The following EVC variants were observed in gnomAD, a reference collection of about 807,000 sequenced individuals.
EVC encodes the protein evC complex member EVC.
In EVC, 116 loss-of-function variants were observed where a neutral mutation model predicts 118.9. The ratio of observed to expected loss-of-function variants is 0.98; its 90% confidence interval spans 0.84 to 1.14. EVC has a LOEUF of 1.14. Ranked by LOEUF, EVC falls within the 50% of genes most tolerant of loss-of-function variation. EVC has a pLI of 0.00. For missense variants in EVC, 1,401 were observed against 1,246.4 expected (o/e 1.12, Z -1.87); for synonymous variants, 619 against 534.7 (o/e 1.16, Z -2.18).
At chr4:5,825,803 G>A in the EVC span, 10 of 726,404 alleles carry the variant, frequency 1.4e-5, no homozygotes, top group South Asian at 7.3e-5. This position sits in a 1 kb window ranked among gnomAD's most constrained non-coding sequence, Gnocchi z 4.4. Flanking sequence ...ACGCACACAC[G>A]ACAGGTGCAC....
At position 5,798,640 on chromosome 4, in the gene EVC, C is replaced by A. The variant is rs778287269; in HGVS notation, c.2152C>A (p.Arg718=). The change falls in exon 15 of 21, where the codon CGG becomes AGG. Residue 718 remains arginine, a synonymous_variant. Coordinates refer to ENST00000264956, the MANE Select transcript of EVC (RefSeq NM_153717.3). The surrounding 1 kb of genome is among the most constrained non-coding windows in gnomAD (Gnocchi z 4.1). ...GCTAGAGGAGGAAGCACAGCAGACA[C>A]GGCTGCAGCTCCAGCAGCGGCTCCT... ...SRLEEEAQQT[R]LQLQQRLLAE... 1.3e-6 allele frequency: 2 copies of A among 1,591,896 alleles called. No homozygotes were observed. The highest frequency in any genetic ancestry group is 2.7e-5 in the African/African-American group (2 of 74,518).
intron 11 of EVC, among the ~76,000 whole-genome samples, chr4:5,767,961 C>G (rs983511052): frequency 3.9e-5 from 6 of 152,216 alleles, no homozygotes; most frequent in Admixed American, 3.3e-4. Flanking sequence ...TTTTCTTCCT[C>G]AGTCTGCTAA....
the EVC span, chr4:5,828,568 A>G: frequency 1.2e-6 from 2 of 1,614,132 alleles, no homozygotes; most frequent in Non-Finnish European, 1.7e-6. Context: ...GCCCTTGTTG[A>G]CGTTGATGTT....
At position 5,750,620 on chromosome 4, in the gene EVC, G is replaced by A. The variant is rs1306028662; in HGVS notation, c.1099-2216G>A. On this transcript the variant is annotated intron_variant, in intron 8 of 20. Coordinates refer to ENST00000264956, the MANE Select transcript of EVC (RefSeq NM_153717.3). Reference sequence around the variant, plus strand: ...TTGGTTTCATTTTCTGTGAAATGGGGGCTATGATAGCACCTGCTCTCTCAC... The same window carrying A: ...TTGGTTTCATTTTCTGTGAAATGGGAGCTATGATAGCACCTGCTCTCTCAC... Among the ~76,000 whole-genome samples the A allele has an allele frequency of 3.3e-5, 5 of 152,224 alleles. No homozygotes were observed. In the South Asian group the frequency reaches 8.3e-4, roughly 25 times the overall value.
chr4:5,790,382 C>G (rs1402812198), intron 12 of EVC, among the ~76,000 whole-genome samples: 1 of 152,142 alleles, frequency 6.6e-6, no homozygotes, highest in African/African-American at 2.4e-5. Context: ...GAACTGAAGT[C>G]TAGGCTGCAA....
intron 11 of EVC, among the ~76,000 whole-genome samples, chr4:5,772,262 C>T (rs138508867): frequency 4.7e-4 from 72 of 152,220 alleles, no homozygotes; most frequent in South Asian, 4.2e-3. Flanking sequence ...AAGTACAACT[C>T]ACAGTGCCCT....
intron 12 of EVC, among the ~76,000 whole-genome samples, chr4:5,792,918 G>A (rs1713063746): frequency 6.6e-6 from 1 of 152,122 alleles, no homozygotes; most frequent in Non-Finnish European, 1.5e-5. Context: ...TGAGAGAAAT[G>A]GCATGTTTTG....
rs758655422 is a variant in EVC at position 5,808,181 on chromosome 4, GC to G, written c.2562-18del. The G allele has an allele frequency of 7.7e-6, 9 of 1,171,636 alleles. No homozygotes were observed. In the Admixed American group the frequency reaches 2.1e-4, roughly 27 times the overall value. The allele number at this position is 1,171,636 out of a possible 1,614,324, so 72.6% of individuals were successfully genotyped here. ...TCCCTTCCTTCCTCCCTGCCAGCCT[GC>G]CTGCCTTCCTCCCCCCAGGATGCTG... On this transcript the variant is annotated intron_variant, in intron 17 of 20. Coordinates refer to ENST00000264956, the MANE Select transcript of EVC (RefSeq NM_153717.3).
intron 11 of EVC, among the ~76,000 whole-genome samples, chr4:5,766,186 A>G (rs1267097427): frequency 6.6e-6 from 1 of 151,038 alleles, no homozygotes; most frequent in Admixed American, 6.6e-5. Flanking sequence ...TGGATATGAA[A>G]TTCTGGGTTG....
chr4:5,752,905 CAGG>C lies in EVC; in HGVS notation c.1174_1176del (p.Glu392del), dbSNP rs1560340281. 1 of 1,614,226 alleles carries C rather than the reference CAGG, an allele frequency of 6.2e-7. No homozygotes were observed. Among genetic ancestry groups the C allele is most frequent in the East Asian group, 2.2e-5 (1 of 44,882 alleles). On this transcript the variant is annotated inframe_deletion, in exon 9 of 21. Transcript: ENST00000264956. ...GATTGAGTTTCTGAAGCTGCAAGTC[CAGG>C]AGGAGACCAGGTGCCGGCTGGCTGC...
the EVC span, among the ~76,000 whole-genome samples, chr4:5,819,501 C>T: frequency 1.6e-4 from 25 of 152,198 alleles, no homozygotes; most frequent in African/African-American, 5.3e-4. Context: ...CTCTTGGAGG[C>T]GCTGGGGAAC....
intron 11 of EVC, among the ~76,000 whole-genome samples, chr4:5,777,658 A>T (rs979681968): frequency 1.3e-5 from 2 of 152,194 alleles, no homozygotes; most frequent in Admixed American, 1.3e-4. Flanking sequence ...TAGTGAAAAG[A>T]TTGGTCCAAG....
intron 15 of EVC, among the ~76,000 whole-genome samples, chr4:5,799,177 G>A (rs1714525256): frequency 6.6e-6 from 1 of 152,154 alleles, no homozygotes; most frequent in African/African-American, 2.4e-5. Context: ...CCTGCCCCTG[G>A]CCGCCTCTGC....
intron 14 of EVC, among the ~76,000 whole-genome samples, chr4:5,797,612 T>G (rs1714222974): frequency 6.6e-6 from 1 of 152,202 alleles, no homozygotes; most frequent in African/African-American, 2.4e-5. Context: ...TGACCTCACT[T>G]GACCTTAATC....
intron 16 of EVC, among the ~76,000 whole-genome samples, 182 bp from the exon 17 acceptor site, chr4:5,804,548 C>A (rs1178081665): frequency 1.3e-5 from 2 of 152,132 alleles, no homozygotes; most frequent in East Asian, 3.9e-4. Flanking sequence ...CTCTGCAGTG[C>A]CTGGTCCATG....
rs1727936702 is a variant in EVC, at chr4:5,737,846, TTC to T, written c.703-3868_703-3867del. Among the ~76,000 whole-genome samples the T allele has an allele frequency of 6.6e-6, 1 of 152,232 alleles. No homozygotes were observed. Among genetic ancestry groups the T allele is most frequent in the Admixed American group, 6.5e-5 (1 of 15,286 alleles). On this transcript the variant is annotated intron_variant, in intron 5 of 20. Coordinates refer to ENST00000264956, the MANE Select transcript of EVC (RefSeq NM_153717.3). This position sits in a 1 kb window ranked among gnomAD's most constrained non-coding sequence, Gnocchi z 5.0. ...TTCATGCCTGCTAACACAACATTCATTCTGAGCCTATTGATTAAAGAGTAATT... is the reference window on the plus strand; with the variant it reads ...TTCATGCCTGCTAACACAACATTCATTGAGCCTATTGATTAAAGAGTAATT...
intron 2 of EVC, among the ~76,000 whole-genome samples, chr4:5,723,431 T>C (rs942151185): frequency 6.6e-6 from 1 of 152,080 alleles, no homozygotes; most frequent in Non-Finnish European, 1.5e-5. Flanking sequence ...CCTCGTGATC[T>C]GCCCGCCTTG....
intron 11 of EVC, among the ~76,000 whole-genome samples, chr4:5,780,564 A>T (rs7666126): frequency 0.5 from 76,132 of 152,108 alleles, 20,001 homozygotes; most frequent in African/African-American, 0.66. Context: ...GTAATTCTTA[A>T]CAATTATATT....
In EVC at chr4:5,729,359, A is replaced by G; in HGVS notation, c.353A>G (p.Lys118Arg). ...SNITAFALKA[K>R]VIYPINQKFR... ...ATCACAGCATTCGCCCTGAAGGCCA[A>G]AGTCATCTACCCCATCAATCAGAAG... The change falls in exon 3 of 21, where the codon AAA becomes AGA. Residue 118 changes from lysine (K) to arginine (R), a missense_variant. Physicochemically the swap from Lys to Arg is conservative, Grantham distance 26 (BLOSUM62 2). Coordinates refer to ENST00000264956, the MANE Select transcript of EVC (RefSeq NM_153717.3). The G allele has an allele frequency of 6.2e-7, 1 of 1,614,106 alleles. No individual in the cohort carries two copies. The highest frequency in any genetic ancestry group is 1.6e-4 in the Middle Eastern group (1 of 6,062).
Sources: gnomAD v4.1 joint callset for allele counts (sites outside exome capture counted in the v4.1 genomes callset) on GRCh38, gnomAD v4.1.1 for gene constraint, Gnocchi (gnomAD v3.1) non-coding constraint, MANE v1.5 for transcripts, NCBI Gene and HGNC (gene_info 2026-07-23, HGNC 2026-07-21) for gene names.